MCC: variants seen among roughly 807,000 people sequenced by gnomAD.
MCC encodes MCC regulator of Wnt signaling pathway, also known as colorectal mutant cancer protein.
A neutral mutation model predicts 116.2 loss-of-function variants in MCC; 90 were observed. The observed-to-expected ratio is 0.77, with a 90% CI of 0.65 to 0.92. The LOEUF is 0.92. MCC is among the 40% of genes least tolerant of loss of function. The probability of loss-of-function intolerance (pLI) is 0.00; values close to 1 mark genes in which losing one functional copy is unlikely to be tolerated. For synonymous variants in MCC, 578 were observed against 510.5 expected (o/e 1.13, Z -1.78); for missense variants, 1,516 against 1,312.2 (o/e 1.16, Z -2.40).
chr5:113,349,013 C>A (rs1444032839), intron 2 of MCC, among the ~76,000 whole-genome samples: 1 of 151,858 alleles, frequency 6.6e-6, no homozygotes, highest in East Asian at 1.9e-4. Flanking sequence ...ATGAAGCAAT[C>A]CAGAACCTGA....
At chr5:113,353,890 G>A (rs929433215) in intron 2 of MCC, among the ~76,000 whole-genome samples, 2 of 152,126 alleles carry the variant, frequency 1.3e-5, no homozygotes, top group Admixed American at 6.5e-5. Flanking sequence ...TTCTTTTCAG[G>A]AATGGTATGA....
intron 2 of MCC, among the ~76,000 whole-genome samples, chr5:113,348,777 T>C (rs1009228585): frequency 6.6e-6 from 1 of 151,942 alleles, no homozygotes; most frequent in Middle Eastern, 3.2e-3. Flanking sequence ...AAAGTTGGGT[T>C]TTTGAAAAGA....
intron 14 of MCC, among the ~76,000 whole-genome samples, chr5:113,063,028 C>T (rs182226402): frequency 1.3e-3 from 197 of 152,318 alleles, no homozygotes; most frequent in African/African-American, 4.4e-3. Context: ...ACAATATGCT[C>T]GATGCTAAGA....
At chr5:113,397,449 A>G (rs1392782931) in intron 1 of MCC, among the ~76,000 whole-genome samples, 1 of 152,200 alleles carries the variant, frequency 6.6e-6, no homozygotes, top group Non-Finnish European at 1.5e-5. Context: ...AAAAAAATAC[A>G]GAAAAATAGG....
At chr5:113,283,740 C>T (rs1766142771) in intron 3 of MCC, among the ~76,000 whole-genome samples, 1 of 152,202 alleles carries the variant, frequency 6.6e-6, no homozygotes, top group African/African-American at 2.4e-5. Context: ...GCAATTACAA[C>T]ACACCCTAAA....
intron 16 of MCC, among the ~76,000 whole-genome samples, chr5:113,045,033 C>A (rs1751979586): frequency 6.6e-6 from 1 of 152,342 alleles, no homozygotes; most frequent in Non-Finnish European, 1.5e-5. Context: ...CGCCTTCCAC[C>A]TCCTCTCCAC....
intron 6 of MCC, among the ~76,000 whole-genome samples, chr5:113,107,936 C>A (rs1756844130): frequency 6.6e-6 from 1 of 152,128 alleles, no homozygotes; most frequent in Admixed American, 6.5e-5. Context: ...CGAGCCCTGA[C>A]TCAGGCCAGA....
At chr5:113,369,948 C>A (rs1768797725) in intron 2 of MCC, among the ~76,000 whole-genome samples, 1 of 152,166 alleles carries the variant, frequency 6.6e-6, no homozygotes, top group African/African-American at 2.4e-5. Flanking sequence ...TCATTTTATT[C>A]ATACACAGTA....
At chr5:113,044,213 G>T (rs536877330) in intron 16 of MCC, among the ~76,000 whole-genome samples, 1 of 152,314 alleles carries the variant, frequency 6.6e-6, no homozygotes, top group Non-Finnish European at 1.5e-5. Flanking sequence ...GCCTTGCTGG[G>T]TTCAGTGTAA....
At chr5:113,218,878 G>A (rs1179852022) in intron 3 of MCC, among the ~76,000 whole-genome samples, 4 of 152,036 alleles carry the variant, frequency 2.6e-5, no homozygotes, top group South Asian at 2.1e-4. Flanking sequence ...AGAAGGGGAC[G>A]CATTATAAGA....
In MCC at chr5:113,025,653, G is replaced by C. The variant is rs1198924966; in HGVS notation, c.*1649C>G. On this transcript the variant is annotated 3_prime_UTR_variant, in exon 19 of 19. Coordinates refer to ENST00000408903, the MANE Select transcript of MCC (RefSeq NM_001085377.2). ...GACCAAATGATTGACAGAAACCAGT[G>C]AACATTTTCATAGTGATCAAAGCAC... is the stretch of plus-strand genomic sequence containing the variant. The C allele has an allele frequency of 6.6e-6, 1 of 151,306 alleles. No homozygotes were observed. 9.4% of individuals were successfully genotyped at this position (151,306 alleles called of 1,614,324 possible).
At chr5:113,259,743 A>G (rs1323940516) in intron 3 of MCC, among the ~76,000 whole-genome samples, 1 of 152,066 alleles carries the variant, frequency 6.6e-6, no homozygotes, top group African/African-American at 2.4e-5. Flanking sequence ...AGCTTGTGGG[A>G]GTTATTTATA....
intron 3 of MCC, among the ~76,000 whole-genome samples, chr5:113,270,354 T>C (rs1765566509): frequency 6.6e-6 from 1 of 152,104 alleles, no homozygotes; most frequent in East Asian, 1.9e-4. Context: ...GGAATGCCCA[T>C]GTACCTGTGC....
chr5:113,252,840 A>C (rs6859175), intron 3 of MCC, among the ~76,000 whole-genome samples: 1,687 of 152,218 alleles, frequency 0.011, 30 homozygotes, highest in African/African-American at 0.039. Context: ...ATAACACAAC[A>C]ACCAAAATGA....
At chr5:113,195,073 G>T (rs1046978965) in intron 3 of MCC, among the ~76,000 whole-genome samples, 4 of 152,188 alleles carry the variant, frequency 2.6e-5, no homozygotes, top group African/African-American at 9.7e-5. Context: ...GGCTTTCCCA[G>T]TGCACAGTGT....
chr5:113,139,978 T>C (rs1759084373), intron 5 of MCC, among the ~76,000 whole-genome samples: 1 of 152,076 alleles, frequency 6.6e-6, no homozygotes, highest in Non-Finnish European at 1.5e-5. Context: ...ATCAACAGAG[T>C]AAACAGACAA....
chr5:113,374,154 A>T (rs576398137), intron 2 of MCC, among the ~76,000 whole-genome samples: 191 of 151,898 alleles, frequency 1.3e-3, no homozygotes, highest in Admixed American at 2.7e-3. Context: ...CGGCCTCCCA[A>T]AGGCTGCGGT....
At chr5:113,187,459 G>A (rs1761948280) in intron 3 of MCC, among the ~76,000 whole-genome samples, 1 of 152,114 alleles carries the variant, frequency 6.6e-6, no homozygotes, top group Admixed American at 6.5e-5. Flanking sequence ...TCAACTCACT[G>A]GGTTGTTCTG....
intron 1 of MCC, among the ~76,000 whole-genome samples, chr5:113,467,992 G>C (rs1207309475): frequency 6.6e-6 from 1 of 152,132 alleles, no homozygotes; most frequent in Non-Finnish European, 1.5e-5. Flanking sequence ...GTCTGTTATT[G>C]GTGTATAGGA....
Sources: allele counts gnomAD v4.1 joint callset (sites outside exome capture counted in the v4.1 genomes callset), GRCh38; gene constraint gnomAD v4.1.1; transcripts MANE v1.5; gene names NCBI Gene and HGNC (gene_info 2026-07-23, HGNC 2026-07-21).